The following CIT variants were observed in gnomAD, a reference collection of about 807,000 sequenced individuals.
CIT encodes citron Rho-interacting kinase.
A neutral mutation model predicts 272.7 loss-of-function variants in CIT; 79 were observed. That is an observed-to-expected ratio of 0.29 (90% CI 0.24 to 0.35). CIT has a LOEUF of 0.35. CIT is among the 10% of genes least tolerant of loss of function. The probability of loss-of-function intolerance (pLI) is 1.00; values close to 1 mark genes in which losing one functional copy is unlikely to be tolerated. For missense variants in CIT, 1,909 were observed against 2,618.3 expected (o/e 0.73, Z 5.91); for synonymous variants, 948 against 995.6 (o/e 0.95, Z 0.90).
At chr12:119,813,267 T>A (rs1480859669) in intron 9 of CIT, among the ~76,000 whole-genome samples, 1 of 152,236 alleles carries the variant, frequency 6.6e-6, no homozygotes, top group Non-Finnish European at 1.5e-5. Flanking sequence ...AAACTGCCAG[T>A]GCTGTAGTTG....
chr12:119,785,738 CCTGA>C (rs1445167561), intron 10 of CIT, among the ~76,000 whole-genome samples: 117 of 152,202 alleles, frequency 7.7e-4, no homozygotes, highest in African/African-American at 2.8e-3. Context: ...CGTGACCGTG[CCTGA>C]CTAATTTTTG....
intron 37 of CIT, among the ~76,000 whole-genome samples, chr12:119,711,761 G>T (rs537845076): frequency 6.6e-6 from 1 of 152,108 alleles, no homozygotes; most frequent in Non-Finnish European, 1.5e-5. Flanking sequence ...GCAATCCGCC[G>T]GCCTCAGCCT....
chr12:119,735,884 C>T lies in CIT; in HGVS notation c.2959-527G>A, dbSNP rs865900495. ...CACAAGCAATAAATTTAATTTCATA[C>T]AACAAAGGAAAAAAACTTCAGGGAA... On this transcript the variant is annotated intron_variant, in intron 24 of 47. Transcript: ENST00000392521. Among the ~76,000 whole-genome samples, 5 of 152,090 alleles carry T rather than the reference C, an allele frequency of 3.3e-5. No homozygotes were observed. The Middle Eastern group carries it at 0.017, about 517-fold the overall frequency.
At chr12:119,748,768 T>A (rs1593583375) in intron 23 of CIT, among the ~76,000 whole-genome samples, 1 of 152,228 alleles carries the variant, frequency 6.6e-6, no homozygotes, top group Middle Eastern at 3.2e-3. Context: ...ATTAGTCACT[T>A]GACAGAATCG....
chr12:119,800,550 T>C (rs1966105965), intron 10 of CIT, among the ~76,000 whole-genome samples: 1 of 152,236 alleles, frequency 6.6e-6, no homozygotes, highest in South Asian at 2.1e-4. Flanking sequence ...CCTCTGAACA[T>C]TTCATTCAAT....
At chr12:119,829,245 G>A (rs1593887905) in intron 7 of CIT, among the ~76,000 whole-genome samples, 1 of 152,120 alleles carries the variant, frequency 6.6e-6, no homozygotes, top group Non-Finnish European at 1.5e-5. Flanking sequence ...AGCTGAGGCA[G>A]GAGAATCTCT....
intron 1 of CIT, among the ~76,000 whole-genome samples, 182 bp downstream of exon 1, chr12:119,877,067 G>A (rs1371731683): frequency 1.3e-5 from 2 of 152,186 alleles, no homozygotes; most frequent in African/African-American, 4.8e-5. Context: ...GGCTCCCAAG[G>A]AAGGTGGGCG....
rs1324547963 is a variant in CIT, at chr12:119,852,138, C to T, written c.415-1863G>A. 2.6e-5 allele frequency among the ~76,000 whole-genome samples: 4 copies of T among 152,196 alleles called. No individual in the cohort carries two copies. In the East Asian group the frequency reaches 7.7e-4, roughly 29 times the overall value. ...ATCAAGTGATCAAAGTGAGCATCAA[C>T]ATAAATGTGATCAACTGAAACAGAG... On this transcript the variant is annotated intron_variant, in intron 4 of 47. Transcript: ENST00000392521.
At chr12:119,695,545 T>C (rs559019202) in intron 46 of CIT, among the ~76,000 whole-genome samples, 53 of 152,178 alleles carry the variant, frequency 3.5e-4, no homozygotes, top group African/African-American at 1.2e-3. Context: ...CCTATAAACC[T>C]AGCACTTTGG....
intron 9 of CIT, among the ~76,000 whole-genome samples, chr12:119,805,385 G>C (rs1208457833): frequency 6.6e-6 from 1 of 152,206 alleles, no homozygotes; most frequent in Non-Finnish European, 1.5e-5. Context: ...CCATATAAAA[G>C]TGTTTACCAC....
At chr12:119,734,448 G>C in intron 25 of CIT, 91 bp from the exon 26 acceptor site, 1 of 1,327,640 alleles carries the variant, frequency 7.5e-7, no homozygotes, top group Non-Finnish European at 1.1e-6. Context: ...AAAAGCACAA[G>C]TTTCTAACTA....
At chr12:119,857,763 A>C (rs1950215584) in intron 3 of CIT, 65 bp from the exon 4 acceptor site, 1 of 1,427,170 alleles carries the variant, frequency 7.0e-7, no homozygotes, top group Admixed American at 2.2e-5. Flanking sequence ...TCTTTATGAA[A>C]GAAAAAAAAA....
chr12:119,695,019 G>A (rs935400930), intron 46 of CIT, among the ~76,000 whole-genome samples: 15 of 152,070 alleles, frequency 9.9e-5, no homozygotes, highest in Non-Finnish European at 1.9e-4. Flanking sequence ...AAAGAGTCAG[G>A]AGCACGTGGG....
At chr12:119,705,019 T>C (rs1337933178) in intron 40 of CIT, among the ~76,000 whole-genome samples, 1 of 152,098 alleles carries the variant, frequency 6.6e-6, no homozygotes, top group Non-Finnish European at 1.5e-5. Flanking sequence ...TTCAAGCCAT[T>C]CTCCCACCTC....
At chr12:119,732,219 A>T (rs2137233689) in intron 26 of CIT, among the ~76,000 whole-genome samples, 1 of 152,318 alleles carries the variant, frequency 6.6e-6, no homozygotes, top group South Asian at 2.1e-4. Flanking sequence ...AGAAAAAAGA[A>T]AAAAAAGGAA....
intron 2 of CIT, among the ~76,000 whole-genome samples, chr12:119,870,778 C>A (rs1218708512): frequency 1.3e-5 from 2 of 152,034 alleles, no homozygotes; most frequent in Non-Finnish European, 2.9e-5. Flanking sequence ...GTGGTTGCAA[C>A]AGAGACTACA....
Position 119,704,371 on chromosome 12 carries a change from T to A in CIT, c.5296A>T (p.Ile1766Phe). 6.2e-7 allele frequency: 1 copy of A among 1,613,916 alleles called. No individual in the cohort carries two copies. Among genetic ancestry groups the A allele is most frequent in the South Asian group, 1.1e-5 (1 of 91,074 alleles). ...CAAGGCCCAGGACTTACTTTCCGGA[T>A]GCAGTATTTGCTGAGGTTTTCGTTG... ...RYNENLSKYC[I>F]RKEIETSEPC... The change falls in exon 41 of 48, where the codon ATC becomes TTC. Residue 1766 changes from isoleucine to phenylalanine, a missense_variant. Physicochemically the swap from Ile to Phe is conservative, Grantham distance 21. Around this residue, in one of 8 missense-constraint regions of CIT, gnomAD observed 780 missense variants for 1,067.2 expected, o/e 0.73. Coordinates refer to ENST00000392521, the MANE Select transcript of CIT (RefSeq NM_001206999.2).
At chr12:119,796,300 A>G (rs1386437291) in intron 10 of CIT, among the ~76,000 whole-genome samples, 6 of 152,260 alleles carry the variant, frequency 3.9e-5, no homozygotes, top group Admixed American at 3.3e-4. Flanking sequence ...CAGGAAAACC[A>G]GAGGCAAGGG....
intron 7 of CIT, among the ~76,000 whole-genome samples, chr12:119,828,487 T>C (rs935575750): frequency 2.0e-5 from 3 of 152,136 alleles, no homozygotes; most frequent in Admixed American, 6.6e-5. Context: ...CGGTGAGATA[T>C]TAAAAGTGAA....
Sources: gnomAD v4.1 joint callset for allele counts (sites outside exome capture counted in the v4.1 genomes callset) on GRCh38, gnomAD v4.1.1 for gene constraint, gnomAD v4.1.1 regional missense constraint, MANE v1.5 for transcripts, NCBI Gene and HGNC (gene_info 2026-07-23, HGNC 2026-07-21) for gene names.